Variants in PHC1 observed in about 807,000 individuals in gnomAD.
PHC1 encodes the protein polyhomeotic-like protein 1.
A neutral mutation model predicts 104.3 loss-of-function variants in PHC1; 12 were observed. The ratio of observed to expected loss-of-function variants is 0.12; its 90% CI spans 0.07 to 0.19. PHC1 has a LOEUF of 0.19. PHC1 is among the 10% of genes least tolerant of loss of function. PHC1 has a pLI of 1.00. For missense variants in PHC1, 671 were observed against 1,200.0 expected (o/e 0.56, Z 6.51); for synonymous variants, 302 against 455.8 (o/e 0.66, Z 4.30).
intron 6 of PHC1, among the ~76,000 whole-genome samples, chr12:8,927,861 C>CTTTCT (rs1400337778): frequency 1.7e-5 from 1 of 58,850 alleles, no homozygotes; most frequent in African/African-American, 8.5e-5. Flanking sequence ...AGTTTTCTTT[C>CTTTCT]TTTCTTTCTT....
intron 2 of PHC1, 45 bp downstream of exon 2, chr12:8,917,836 G>A: frequency 1.0e-6 from 1 of 973,656 alleles, no homozygotes; most frequent in South Asian, 1.6e-5. Flanking sequence ...GTCTTGGCTT[G>A]TGGTAGGCAG....
At position 8,938,040 on chromosome 12, in the gene PHC1, A is replaced by T. The variant is rs1452707035; in HGVS notation, c.2840A>T (p.Glu947Val). The T allele has an allele frequency of 8.7e-6, 14 of 1,606,308 alleles. No individual in the cohort carries two copies. Among genetic ancestry groups the T allele is most frequent in the Non-Finnish European group, 1.2e-5 (14 of 1,174,430 alleles). Reference sequence around the variant, plus strand: ...CGTTGGAGTGTAGAGGAGGTGTACGAGTTTATTGCTTCTCTCCAAGGTACT... The same window carrying T: ...CGTTGGAGTGTAGAGGAGGTGTACGTGTTTATTGCTTCTCTCCAAGGTACT... ...PSRWSVEEVY[E>V]FIASLQGCQE... Residue 947 changes from glutamate (E) to valine (V), a missense_variant, in exon 14 of 15, where the codon GAG becomes GTG. By Grantham distance (121) the Glu-to-Val change is moderately radical. Transcript: ENST00000544916.
At chr12:8,925,284 G>A (rs780066862) in intron 6 of PHC1, among the ~76,000 whole-genome samples, 11 of 152,144 alleles carry the variant, frequency 7.2e-5, no homozygotes, top group Non-Finnish European at 1.3e-4. Context: ...ATGCCTGGAC[G>A]TAGTGAGTGT....
chr12:8,935,414 T>A (rs1945806762), intron 11 of PHC1, among the ~76,000 whole-genome samples, 176 bp downstream of exon 11: 1 of 152,096 alleles, frequency 6.6e-6, no homozygotes, highest in African/African-American at 2.4e-5. Flanking sequence ...TCACCTGAGG[T>A]CAGGAGTTTG....
At chr12:8,938,871 C>T (rs747406562) in intron 14 of PHC1, among the ~76,000 whole-genome samples, 5 of 152,268 alleles carry the variant, frequency 3.3e-5, no homozygotes, top group African/African-American at 1.2e-4. Flanking sequence ...GTTGCCCAGG[C>T]TGGAGTGCTG....
intron 2 of PHC1, among the ~76,000 whole-genome samples, chr12:8,918,616 C>G (rs1945267683): frequency 1.3e-5 from 2 of 152,170 alleles, no homozygotes; most frequent in African/African-American, 4.8e-5. Flanking sequence ...TATAGGCACA[C>G]TCCACCATGC....
intron 2 of PHC1, among the ~76,000 whole-genome samples, chr12:8,918,390 T>C (rs1305676010): frequency 1.3e-5 from 2 of 152,242 alleles, no homozygotes; most frequent in African/African-American, 4.8e-5. Flanking sequence ...CGTGAAGGAA[T>C]CTTTAGAAGC....
chr12:8,918,849 C>T (rs926838132), intron 2 of PHC1, among the ~76,000 whole-genome samples: 1 of 152,112 alleles, frequency 6.6e-6, no homozygotes, highest in Admixed American at 6.5e-5. Context: ...TATTGTTGGA[C>T]GATTTTGTAA....
Position 8,920,995 on chromosome 12 carries a change from C to G in PHC1, c.236C>G (p.Ala79Gly). ...CTTCCCCTTTAATAGGCCACAATTG[C>G]TGCCAGTCGGCAGGCCAGCTCCCCA... The part of the protein sequence containing the change: ...SLAAVQQATI[A>G]ASRQASSPNT... The change falls in exon 4 of 15, where the codon GCT becomes GGT. Residue 79 changes from alanine (A) to glycine (G), a missense_variant. Physicochemically the swap from Ala to Gly is moderately conservative, Grantham distance 60. Transcript: ENST00000544916. 6.2e-7 allele frequency: 1 copy of G among 1,612,364 alleles called. No homozygotes were observed. The highest frequency in any genetic ancestry group is 8.5e-7 in the Non-Finnish European group (1 of 1,179,330).
chr12:8,934,593 A>G lies in PHC1; in HGVS notation c.2253+115A>G, dbSNP rs778353405. ...AACTATTTAATGAAAGAATGGTTCA[A>G]TTACGCTATTTATTTAATTATAAAG... On this transcript the variant is annotated intron_variant, in intron 10 of 14. Transcript: ENST00000544916. 4.2e-5 allele frequency: 28 copies of G among 663,088 alleles called. No homozygotes were observed. The South Asian group carries it at 5.3e-4, about 13-fold the overall frequency. The allele number at this position is 663,088 out of a possible 1,614,324, so 41.1% of individuals were successfully genotyped here. A position where few individuals can be genotyped will look rare whatever the true frequency, so the allele number is the denominator to read the frequency against.
chr12:8,924,431 G>A (rs1392295808), intron 6 of PHC1, among the ~76,000 whole-genome samples: 4 of 152,020 alleles, frequency 2.6e-5, no homozygotes, highest in African/African-American at 7.3e-5. Context: ...AGCTGAGATC[G>A]TGCCACTACA....
chr12:8,937,380 C>T lies in PHC1; in HGVS notation c.2628+54C>T, dbSNP rs1449792498. ...CTTTAAACTGGGTCTTTTTTTCTTT[C>T]CCTGCAGGGCAATTCATTTGCCCAG... On this transcript the variant is annotated intron_variant, in intron 13 of 14. Transcript: ENST00000544916. The T allele has an allele frequency of 4.9e-5, 72 of 1,462,518 alleles. 2 individuals are homozygous for T. In the South Asian group the frequency reaches 9.5e-4, roughly 19 times the overall value. 90.6% of individuals were successfully genotyped at this position (1,462,518 alleles called of 1,614,324 possible).
At chr12:8,931,018 TG>T in intron 7 of PHC1, 91 bp downstream of exon 7, 1 of 1,348,412 alleles carries the variant, frequency 7.4e-7, no homozygotes, top group Non-Finnish European at 1.0e-6. Flanking sequence ...TTTGCCTTTT[TG>T]TTTTTTCCCC....
At chr12:8,916,388 A>G (rs1945200649) in intron 1 of PHC1, among the ~76,000 whole-genome samples, 1 of 152,242 alleles carries the variant, frequency 6.6e-6, no homozygotes, top group Non-Finnish European at 1.5e-5. Context: ...AACACTTAGC[A>G]GAAATTCTGG....
chr12:8,938,072 C>A lies in PHC1; in HGVS notation c.2860+12C>A. 1 of 1,584,310 alleles carries A rather than the reference C, an allele frequency of 6.3e-7. No individual in the cohort carries two copies. Among genetic ancestry groups the A allele is most frequent in the Non-Finnish European group, 8.7e-7 (1 of 1,155,578 alleles). On this transcript the variant is annotated intron_variant, in intron 14 of 14. Transcript: ENST00000544916. ...TGCTTCTCTCCAAGGTACTGACCCT[C>A]TCTTCAACAGAACCCAGGTTGTTTT...
chr12:8,924,981 A>T (rs773739104), intron 6 of PHC1, among the ~76,000 whole-genome samples: 7 of 152,206 alleles, frequency 4.6e-5, no homozygotes, highest in Non-Finnish European at 5.9e-5. Flanking sequence ...GGTGATAGCA[A>T]TGGGAGCCAC....
rs1309118046 is a variant in PHC1 at position 8,929,785 on chromosome 12, G to T, written c.613-650G>T. Reference sequence around the variant, plus strand: ...TCTGTCCGTCTTGGCCTCCCAAAGTGTTGGGATTACAGGCATGAGTCATAG... The same window carrying T: ...TCTGTCCGTCTTGGCCTCCCAAAGTTTTGGGATTACAGGCATGAGTCATAG... On this transcript the variant is annotated intron_variant, in intron 6 of 14. Transcript: ENST00000544916. Among the ~76,000 whole-genome samples, 18 of 152,272 alleles carry T rather than the reference G, an allele frequency of 1.2e-4. No individual in the cohort carries two copies. In the East Asian group the frequency reaches 3.5e-3, roughly 29 times the overall value.
intron 6 of PHC1, among the ~76,000 whole-genome samples, chr12:8,923,842 A>AG (rs1371247629): frequency 6.6e-6 from 1 of 151,706 alleles, no homozygotes. Context: ...AAAAAAAAAA[A>AG]AAAAGAAAAT....
upstream of PHC1, among the ~76,000 whole-genome samples, chr12:8,914,329 GA>G (rs1326177898): frequency 1.3e-5 from 2 of 151,826 alleles, no homozygotes; most frequent in Middle Eastern, 3.4e-3. Flanking sequence ...AGCAAGAGAG[GA>G]AAAAACCCCT....
Sources: gnomAD v4.1 joint callset for allele counts (sites outside exome capture counted in the v4.1 genomes callset) on GRCh38, gnomAD v4.1.1 for gene constraint, MANE v1.5 for transcripts, NCBI Gene and HGNC (gene_info 2026-07-23, HGNC 2026-07-21) for gene names.